Variants in NCBP1 observed in about 807,000 individuals in gnomAD.
NCBP1 encodes nuclear cap-binding protein subunit 1.
A neutral mutation model predicts 111.7 loss-of-function variants in NCBP1; 16 were observed. The ratio of observed to expected loss-of-function variants is 0.14; its 90% CI spans 0.10 to 0.22. The LOEUF (loss-of-function observed/expected upper bound fraction) is 0.22. Among genes scored for constraint, NCBP1 ranks in the 10% least tolerant of loss-of-function variants. The pLI is 1.00. For missense variants in NCBP1, 607 were observed against 957.5 expected (o/e 0.63, Z 4.83); for synonymous variants, 304 against 314.3 (o/e 0.97, Z 0.35).
At chr9:97,665,389 A>G (rs1827963949) in intron 19 of NCBP1, among the ~76,000 whole-genome samples, 1 of 152,212 alleles carries the variant, frequency 6.6e-6, no homozygotes, top group Admixed American at 6.5e-5. Context: ...TATTGTCCAC[A>G]TTTTACAGAA....
At chr9:97,634,085 A>G (rs966250233) in intron 1 of NCBP1, among the ~76,000 whole-genome samples, 170 bp downstream of exon 1, 6 of 152,188 alleles carry the variant, frequency 3.9e-5, no homozygotes, top group African/African-American at 1.4e-4. Context: ...GCTTCTAGAA[A>G]GCGACTTCTC....
chr9:97,667,715 C>T (rs1357950585), intron 20 of NCBP1, among the ~76,000 whole-genome samples: 1 of 152,218 alleles, frequency 6.6e-6, no homozygotes, highest in East Asian at 1.9e-4. Flanking sequence ...CTGTCCAACA[C>T]AGTAGCCACT....
At chr9:97,659,029 G>C (rs1331834226) in intron 15 of NCBP1, among the ~76,000 whole-genome samples, 1 of 152,222 alleles carries the variant, frequency 6.6e-6, no homozygotes, top group Non-Finnish European at 1.5e-5. Context: ...CTGAAAACGT[G>C]TATTTGTCAT....
chr9:97,647,583 G>C (rs775079840), intron 7 of NCBP1, 22 bp downstream of exon 7: 7 of 1,577,110 alleles, frequency 4.4e-6, no homozygotes, highest in South Asian at 1.1e-5. Context: ...TCAGTCCCTT[G>C]TGATACAAAC....
rs375164219 is a variant in NCBP1 at position 97,652,796 on chromosome 9, G to C, written c.1060-1002G>C. Among the ~76,000 whole-genome samples, 18 of 152,264 alleles carry C rather than the reference G, an allele frequency of 1.2e-4. 1 individual carries two copies. The South Asian group carries it at 3.7e-3, about 32-fold the overall frequency. ...TGTATTTCCTATCTTTACAAAACTT[G>C]GATATACTTAATGCTGTGAACTTGG... On this transcript the variant is annotated intron_variant, in intron 10 of 22. Coordinates refer to ENST00000375147, the MANE Select transcript of NCBP1 (RefSeq NM_002486.5).
chr9:97,654,083 C>G (rs1827573827), intron 11 of NCBP1, among the ~76,000 whole-genome samples, 175 bp downstream of exon 11: 1 of 152,074 alleles, frequency 6.6e-6, no homozygotes, highest in African/African-American at 2.4e-5. Flanking sequence ...TGTACCTATA[C>G]ATATGTAGAT....
chr9:97,660,530 C>T (rs937094143), intron 15 of NCBP1, among the ~76,000 whole-genome samples: 64 of 152,084 alleles, frequency 4.2e-4, no homozygotes, highest in African/African-American at 1.3e-3. Flanking sequence ...TCCACGGTCC[C>T]GAGGAAAGAA....
At chr9:97,665,812 T>C (rs982592096) in intron 19 of NCBP1, among the ~76,000 whole-genome samples, 1 of 114,696 alleles carries the variant, frequency 8.7e-6, no homozygotes, top group African/African-American at 3.4e-5. Flanking sequence ...GCATGGAAAA[T>C]TTAACTAGTA....
intron 1 of NCBP1, among the ~76,000 whole-genome samples, chr9:97,638,153 A>G (rs568232151): frequency 6.6e-6 from 1 of 152,270 alleles, no homozygotes; most frequent in African/African-American, 2.4e-5. Flanking sequence ...TATGAGTTCA[A>G]TATCATGTTT....
Position 97,662,038 on chromosome 9 carries a change from T to C in NCBP1, c.1601-4T>C, listed in dbSNP as rs1222525112. ...TTTCTGTTTTACTATAAAATATTTTTCAGATGAAGGATTCAGTTTTAACCC... is the reference window on the plus strand; with the variant it reads ...TTTCTGTTTTACTATAAAATATTTTCCAGATGAAGGATTCAGTTTTAACCC... On this transcript the variant is annotated splice_polypyrimidine_tract_variant and splice_region_variant and intron_variant, in intron 16 of 22. Coordinates refer to ENST00000375147, the MANE Select transcript of NCBP1 (RefSeq NM_002486.5). 1 of 1,606,038 alleles carries C rather than the reference T, an allele frequency of 6.2e-7. No individual in the cohort carries two copies. Among genetic ancestry groups the C allele is most frequent in the Non-Finnish European group, 8.5e-7 (1 of 1,173,390 alleles).
In NCBP1 at chr9:97,640,830, C is replaced by T. The variant is rs1827187208; in HGVS notation, c.71C>T (p.Ala24Val). The T allele has an allele frequency of 1.2e-6, 2 of 1,609,064 alleles. No individual in the cohort carries two copies. Among genetic ancestry groups the T allele is most frequent in the Non-Finnish European group, 1.7e-6 (2 of 1,177,832 alleles). ...CACAAAAGGAGAAAGACCTCTGATG[C>T]AAATGAAACTGAAGATCATTTGGAA... ...QPHKRRKTSDANETEDHLESL... is the reference protein window; with the variant it reads ...QPHKRRKTSDVNETEDHLESL... Residue 24 changes from alanine (A) to valine (V), a missense_variant, in exon 2 of 23, where the codon GCA (alanine) becomes GTA (valine). Physicochemically the swap from Ala to Val is moderately conservative, Grantham distance 64. Around this residue, in one of 9 missense-constraint regions of NCBP1, gnomAD observed 185 missense variants for 272.0 expected, o/e 0.68. Coordinates refer to ENST00000375147, the MANE Select transcript of NCBP1 (RefSeq NM_002486.5).
intron 10 of NCBP1, among the ~76,000 whole-genome samples, chr9:97,653,272 C>G (rs1827551257): frequency 6.6e-6 from 1 of 152,048 alleles, no homozygotes; most frequent in Non-Finnish European, 1.5e-5. Context: ...AGGTGCCCAC[C>G]ACCACACCTG....
At chr9:97,663,697 C>T (rs1360946954) in intron 18 of NCBP1, among the ~76,000 whole-genome samples, 1 of 151,748 alleles carries the variant, frequency 6.6e-6, no homozygotes, top group Non-Finnish European at 1.5e-5. Flanking sequence ...GTTGGCCAGG[C>T]TGGTCTGGAA....
At chr9:97,654,109 TG>T (rs1221269093) in intron 11 of NCBP1, among the ~76,000 whole-genome samples, 2 of 152,340 alleles carry the variant, frequency 1.3e-5, no homozygotes, top group East Asian at 3.9e-4. Flanking sequence ...CTTCACTATT[TG>T]GGTCAGGGAG....
chr9:97,653,677 G>A (rs1587712476), intron 10 of NCBP1, 121 bp from the exon 11 acceptor site: 1 of 611,248 alleles, frequency 1.6e-6, no homozygotes, highest in Non-Finnish European at 2.6e-6. Flanking sequence ...ATATTAAAAA[G>A]TAATTCCATT....
At chr9:97,665,479 C>T (rs1207640175) in intron 19 of NCBP1, among the ~76,000 whole-genome samples, 3 of 152,324 alleles carry the variant, frequency 2.0e-5, no homozygotes, top group South Asian at 2.1e-4. Context: ...CCCAGGCATT[C>T]TGGAATCTGT....
At chr9:97,634,530 C>A (rs1678926295) in intron 1 of NCBP1, 1 of 152,250 alleles carries the variant, frequency 6.6e-6, no homozygotes, top group Non-Finnish European at 1.5e-5. Flanking sequence ...TGCTAGAAAA[C>A]TAACTTCAGG....
chr9:97,648,125 A>C lies in NCBP1; in HGVS notation c.799A>C (p.Asn267His). 1.2e-6 allele frequency: 2 copies of C among 1,614,202 alleles called. No individual in the cohort carries two copies. Among genetic ancestry groups the C allele is most frequent in the Non-Finnish European group, 1.7e-6 (2 of 1,180,026 alleles). ...DSILCEALQH[N>H]LPPFTPPPHT... ...CATCCTGTGTGAAGCACTGCAGCAC[A>C]ATCTGCCTCCTTTTACACCACCTCC... The change falls in exon 8 of 23, where the codon AAT becomes CAT. Residue 267 changes from asparagine (N) to histidine (H), a missense_variant. Transcript: ENST00000375147.
intron 14 of NCBP1, among the ~76,000 whole-genome samples, chr9:97,658,330 G>C (rs1248699876): frequency 6.6e-6 from 1 of 152,096 alleles, no homozygotes; most frequent in Non-Finnish European, 1.5e-5. Flanking sequence ...TTATTTATTT[G>C]ATAGAATATA....
Sources: allele counts gnomAD v4.1 joint callset (sites outside exome capture counted in the v4.1 genomes callset), GRCh38; gene constraint gnomAD v4.1.1; regional missense constraint gnomAD v4.1.1; transcripts MANE v1.5; gene names NCBI Gene and HGNC (gene_info 2026-07-23, HGNC 2026-07-21).